LPAR1: variants seen among roughly 807,000 people sequenced by gnomAD.
LPAR1 encodes the protein lysophosphatidic acid receptor 1.
A neutral mutation model predicts 23.8 loss-of-function variants in LPAR1; 5 were observed. The ratio of observed to expected loss-of-function variants is 0.21; its 90% CI spans 0.11 to 0.44. LPAR1 has a LOEUF of 0.44. Among genes scored for constraint, LPAR1 ranks in the 20% least tolerant of loss-of-function variants. LPAR1 has a pLI of 0.99. For synonymous variants in LPAR1, 160 were observed against 164.7 expected (o/e 0.97, Z 0.22); for missense variants, 311 against 482.8 (o/e 0.64, Z 3.33).
intron 5 of LPAR1, among the ~76,000 whole-genome samples, chr9:110,917,115 A>C (rs1350215498): frequency 1.3e-5 from 2 of 151,648 alleles, no homozygotes; most frequent in Non-Finnish European, 2.9e-5. Context: ...AGGCGGGTGG[A>C]TCACCTGAGG....
chr9:110,911,367 C>T (rs1320577713), intron 5 of LPAR1, among the ~76,000 whole-genome samples: 3 of 151,910 alleles, frequency 2.0e-5, no homozygotes, highest in Admixed American at 6.6e-5. Flanking sequence ...GGCAACATAG[C>T]GAGATGTCAT....
intron 4 of LPAR1, among the ~76,000 whole-genome samples, chr9:110,946,339 T>C (rs2095377707): frequency 1.3e-5 from 2 of 152,164 alleles, no homozygotes; most frequent in South Asian, 4.1e-4. Flanking sequence ...GTGATTTAAA[T>C]TTATGTAGAT....
chr9:110,956,940 G>A (rs1424710828), intron 4 of LPAR1, among the ~76,000 whole-genome samples: 1 of 152,088 alleles, frequency 6.6e-6, no homozygotes, highest in East Asian at 1.9e-4. Flanking sequence ...TACAAGGCCA[G>A]CATTACTCTG....
At chr9:110,995,211 C>A (rs1687622124) in intron 2 of LPAR1, among the ~76,000 whole-genome samples, 2 of 152,066 alleles carry the variant, frequency 1.3e-5, no homozygotes, top group African/African-American at 4.8e-5. Context: ...CCACAATGTG[C>A]TATTCAAATA....
Position 110,954,788 on chromosome 9 carries a change from T to C in LPAR1, c.46-12620A>G, listed in dbSNP as rs375454026. On this transcript the variant is annotated intron_variant, in intron 4 of 5. Transcript: ENST00000683809. ...TCCTTCATAAATGTAGAATAAATAA[T>C]GTATTTCCCAAACAAGCAAAAGCTG... 5.3e-5 allele frequency among the ~76,000 whole-genome samples: 8 copies of C among 152,214 alleles called. No individual in the cohort carries two copies. The East Asian group carries it at 5.8e-4, about 11-fold the overall frequency.
intron 2 of LPAR1, among the ~76,000 whole-genome samples, chr9:110,981,717 T>C (rs946998217): frequency 6.6e-6 from 1 of 151,994 alleles, no homozygotes; most frequent in African/African-American, 2.4e-5. Context: ...CTTACAATAA[T>C]GGAATTTACT....
In LPAR1 at chr9:111,036,092, T is replaced by A. The variant is rs545286389; in HGVS notation, c.-182+30A>T. 2.0e-5 allele frequency: 3 copies of A among 152,162 alleles called. No homozygotes were observed. The East Asian group carries it at 5.8e-4, about 29-fold the overall frequency. The allele number at this position is 152,162 out of a possible 1,614,324, so 9.4% of individuals were successfully genotyped here. A position where few individuals can be genotyped will look rare whatever the true frequency, so the allele number is the denominator to read the frequency against. ...TATTAGGTTTGAACAAAAATAGAAG[T>A]TTCGAAAGGGCTGCCACTTACATTC... On this transcript the variant is annotated intron_variant, in intron 2 of 5. Coordinates refer to ENST00000683809, the MANE Select transcript of LPAR1 (RefSeq NM_001351411.2).
At chr9:110,954,152 C>T (rs535392187) in intron 4 of LPAR1, among the ~76,000 whole-genome samples, 1 of 152,134 alleles carries the variant, frequency 6.6e-6, no homozygotes, top group East Asian at 1.9e-4. Flanking sequence ...CTAAAGAATT[C>T]ACTGAAAGAA....
chr9:110,919,664 C>A (rs1431773330), intron 5 of LPAR1, among the ~76,000 whole-genome samples: 1 of 152,180 alleles, frequency 6.6e-6, no homozygotes, highest in Non-Finnish European at 1.5e-5. Context: ...TAGCCAAGTT[C>A]TCCCACATTA....
rs1480207610 is a variant in LPAR1 at position 110,941,879 on chromosome 9, T to C, written c.335A>G (p.Asn112Ser). 5 of 1,614,194 alleles carry C rather than the reference T, an allele frequency of 3.1e-6. No individual in the cohort carries two copies. Among genetic ancestry groups the C allele is most frequent in the African/African-American group, 1.3e-5 (1 of 75,062 alleles). ...YFYLMFNTGP[N>S]TRRLTVSTWL... ...TGTGCTAACAGTCAGTCTCCGAGTATTGGGTCCTGTGTTGAACATGAGATA... is the reference window on the plus strand; with the variant it reads ...TGTGCTAACAGTCAGTCTCCGAGTACTGGGTCCTGTGTTGAACATGAGATA... Residue 112 changes from asparagine (N) to serine (S), a missense_variant, in exon 5 of 6, where the codon AAT becomes AGT. Around this residue, in one of 2 missense-constraint regions of LPAR1, gnomAD observed 250 missense variants for 427.2 expected, o/e 0.59. Transcript: ENST00000683809. This position sits in a 1 kb window ranked among gnomAD's most constrained non-coding sequence, Gnocchi z 6.1.
intron 5 of LPAR1, among the ~76,000 whole-genome samples, chr9:110,888,766 A>T (rs2083151347): frequency 6.6e-6 from 1 of 152,238 alleles, no homozygotes; most frequent in Non-Finnish European, 1.5e-5. Context: ...GGCTTTGAAT[A>T]TGGGAAGGTG....
intron 5 of LPAR1, among the ~76,000 whole-genome samples, chr9:110,908,312 C>T (rs7026242): frequency 0.46 from 68,409 of 148,534 alleles, 17,575 homozygotes; most frequent in African/African-American, 0.71. Context: ...AAACTATTAA[C>T]AAATTAATAT....
rs1040340554 is a variant in LPAR1 at position 110,873,782 on chromosome 9, A to T, written c.*1639T>A. 1 of 152,234 alleles carries T rather than the reference A, an allele frequency of 6.6e-6. No individual in the cohort carries two copies. Among genetic ancestry groups the T allele is most frequent in the African/African-American group, 2.4e-5 (1 of 41,468 alleles). The allele number at this position is 152,234 out of a possible 1,614,324, so 9.4% of individuals were successfully genotyped here. ...AGATGGACCCACACTAATTGATATG[A>T]CAATCCTTTATTCACTCGGCACATT... On this transcript the variant is annotated 3_prime_UTR_variant, in exon 6 of 6. Transcript: ENST00000683809.
intron 5 of LPAR1, among the ~76,000 whole-genome samples, chr9:110,880,493 G>A (rs1447392127): frequency 6.6e-6 from 1 of 152,166 alleles, no homozygotes; most frequent in Non-Finnish European, 1.5e-5. Context: ...AAGTTAAAGA[G>A]GAAAACAGTC....
chr9:110,972,356 A>G, intron 3 of LPAR1, 136 bp from the exon 4 acceptor site: 1 of 509,870 alleles, frequency 2.0e-6, no homozygotes, highest in Non-Finnish European at 3.5e-6. Context: ...GAAAGCCGGT[A>G]GGGAAAAGCT....
chr9:110,954,411 A>G (rs906324397), intron 4 of LPAR1, among the ~76,000 whole-genome samples: 22 of 152,258 alleles, frequency 1.4e-4, no homozygotes, highest in Admixed American at 3.9e-4. Flanking sequence ...TTAACAAAAT[A>G]ACAGCTGAAA....
intron 5 of LPAR1, among the ~76,000 whole-genome samples, chr9:110,926,696 G>GT (rs35733619): frequency 0.55 from 83,835 of 151,608 alleles, 23,517 homozygotes; most frequent in East Asian, 0.63. Flanking sequence ...GTGGTTTTGT[G>GT]TTTTTTTTCC....
Position 110,896,683 on chromosome 9 carries a change from G to A in LPAR1, c.794-20961C>T, listed in dbSNP as rs533843551. ...GATTGAAGACTAGGATTTAAGCACC[G>A]TATGAACTTGTAATAAACACATAAT... On this transcript the variant is annotated intron_variant, in intron 5 of 5. Coordinates refer to ENST00000683809, the MANE Select transcript of LPAR1 (RefSeq NM_001351411.2). Among the ~76,000 whole-genome samples the A allele has an allele frequency of 1.2e-4, 18 of 152,064 alleles. No homozygotes were observed. The South Asian group carries it at 2.5e-3, about 21-fold the overall frequency.
chr9:110,929,698 ATG>A (rs71371696), intron 5 of LPAR1, among the ~76,000 whole-genome samples: 12,251 of 146,048 alleles, frequency 0.084, 586 homozygotes, highest in South Asian at 0.17. Context: ...CCAGCCAATA[ATG>A]TGTGTGTGTG....
Sources: allele counts gnomAD v4.1 joint callset (sites outside exome capture counted in the v4.1 genomes callset), GRCh38; gene constraint gnomAD v4.1.1; regional missense constraint gnomAD v4.1.1; non-coding constraint Gnocchi (gnomAD v3.1); transcripts MANE v1.5; gene names NCBI Gene and HGNC (gene_info 2026-07-23, HGNC 2026-07-21).